Variants in KIAA0825 observed in about 807,000 individuals in gnomAD.
KIAA0825 encodes uncharacterized protein KIAA0825.
Under a neutral mutation model 147.6 loss-of-function variants are expected in KIAA0825, and 119 were observed. The ratio of observed to expected loss-of-function variants is 0.81; its 90% confidence interval spans 0.69 to 0.94. The LOEUF (loss-of-function observed/expected upper bound fraction) is 0.94. Among genes scored for constraint, KIAA0825 ranks in the 40% least tolerant of loss-of-function variants. The pLI, the probability that KIAA0825 is intolerant of heterozygous loss-of-function variation, is 0.00. For synonymous variants in KIAA0825, 470 were observed against 518.1 expected (o/e 0.91, Z 1.26); for missense variants, 1,381 against 1,472.7 (o/e 0.94, Z 1.02).
intron 20 of KIAA0825, among the ~76,000 whole-genome samples, chr5:94,279,767 A>G (rs768707231): frequency 5.3e-5 from 8 of 152,010 alleles, no homozygotes; most frequent in Non-Finnish European, 7.4e-5. Flanking sequence ...TGAAGAGCAT[A>G]TTACTGTCTT....
intron 20 of KIAA0825, among the ~76,000 whole-genome samples, chr5:94,334,041 C>T (rs1781545311): frequency 6.6e-6 from 1 of 151,446 alleles, no homozygotes; most frequent in Non-Finnish European, 1.5e-5. Context: ...GTAATTTATA[C>T]ATTCAATGCT....
intron 20 of KIAA0825, among the ~76,000 whole-genome samples, chr5:94,201,432 C>T (rs1771676779): frequency 6.6e-6 from 1 of 151,920 alleles, no homozygotes. Context: ...AATTAAGACA[C>T]GATCTTGCTC....
chr5:94,383,785 CTCTG>C (rs1280167280), intron 20 of KIAA0825, among the ~76,000 whole-genome samples: 3 of 117,270 alleles, frequency 2.6e-5, no homozygotes, highest in South Asian at 2.8e-4. Flanking sequence ...GATTATACTG[CTCTG>C]TGTGTGTGTG....
At chr5:94,523,171 C>T (rs531922856) in intron 4 of KIAA0825, among the ~76,000 whole-genome samples, 2 of 151,796 alleles carry the variant, frequency 1.3e-5, no homozygotes, top group South Asian at 4.1e-4. Context: ...ATATTTTCCA[C>T]ATCTGTCTTA....
intron 20 of KIAA0825, among the ~76,000 whole-genome samples, chr5:94,248,664 T>G (rs1292020444): frequency 6.6e-6 from 1 of 152,050 alleles, no homozygotes; most frequent in African/African-American, 2.4e-5. Context: ...GAAGGAGAAG[T>G]TGCTGACTGG....
chr5:94,382,720 A>T (rs1220630386), intron 20 of KIAA0825, among the ~76,000 whole-genome samples: 1 of 152,216 alleles, frequency 6.6e-6, no homozygotes, highest in South Asian at 2.1e-4. Context: ...CACAGATCTC[A>T]AGAAAATACA....
chr5:94,528,241 A>T (rs984883617), intron 3 of KIAA0825, among the ~76,000 whole-genome samples: 3 of 152,194 alleles, frequency 2.0e-5, no homozygotes, highest in African/African-American at 7.2e-5. Flanking sequence ...ATCATTGGTC[A>T]TCGGGACTAT....
Position 94,592,851 on chromosome 5 carries a change from G to C in KIAA0825, c.-152-10268C>G, listed in dbSNP as rs535333251. 6 of 577,176 alleles carry C rather than the reference G, an allele frequency of 1.0e-5. No individual in the cohort carries two copies. In the East Asian group the frequency reaches 2.4e-4, roughly 23 times the overall value. The allele number at this position is 577,176 out of a possible 1,614,324, so 35.8% of individuals were successfully genotyped here. A position where few individuals can be genotyped will look rare whatever the true frequency, so the allele number is the denominator to read the frequency against. On this transcript the variant is annotated intron_variant, in intron 1 of 20. Transcript: ENST00000682413. ...CTATTTGTCCATTCTCCTGGACTGT[G>C]TTTCAATTTCGACTCATCAGTTGTG...
chr5:94,399,294 G>C (rs1449711587), intron 16 of KIAA0825, among the ~76,000 whole-genome samples: 1 of 152,018 alleles, frequency 6.6e-6, no homozygotes, highest in African/African-American at 2.4e-5. Flanking sequence ...TCTTTGACTT[G>C]AAAGATTGTA....
chr5:94,245,622 T>A (rs1775564660), intron 20 of KIAA0825, among the ~76,000 whole-genome samples: 1 of 152,156 alleles, frequency 6.6e-6, no homozygotes, highest in African/African-American at 2.4e-5. Flanking sequence ...CACTTTGATC[T>A]TGTCAGAGGA....
chr5:94,173,637 G>T (rs996377075), intron 20 of KIAA0825, among the ~76,000 whole-genome samples: 1 of 152,170 alleles, frequency 6.6e-6, no homozygotes, highest in African/African-American at 2.4e-5. Context: ...CACTTCTATA[G>T]TATTCTATTG....
chr5:94,524,091 GT>G lies in KIAA0825; in HGVS notation c.138del (p.Lys46AsnfsTer30). On this transcript the variant is annotated frameshift_variant, in exon 4 of 21. Coordinates refer to ENST00000682413, the MANE Select transcript of KIAA0825 (RefSeq NM_001145678.3). LOFTEE classifies it high-confidence loss of function. Reference protein sequence around the residue: ...EKIEQNAASIKHCIKEIQSEI... With the variant: ...EKIEQNAASIXHCIKEIQSEI... The stretch of plus-strand genomic sequence containing the variant: ...TCGGACTGTATCTCTTTAATGCAAT[GT>G]TTTATGCTATAAAAAACAGAAGAAA... 1 of 1,596,304 alleles carries G rather than the reference GT, an allele frequency of 6.3e-7. No homozygotes were observed. The highest frequency in any genetic ancestry group is 8.5e-7 in the Non-Finnish European group (1 of 1,171,664).
At chr5:94,375,873 T>C (rs1243616431) in intron 20 of KIAA0825, among the ~76,000 whole-genome samples, 1 of 152,222 alleles carries the variant, frequency 6.6e-6, no homozygotes, top group Non-Finnish European at 1.5e-5. Flanking sequence ...ATATCCCTAG[T>C]ACATTGTTAC....
intron 18 of KIAA0825, among the ~76,000 whole-genome samples, chr5:94,386,841 G>A (rs1749215984): frequency 6.6e-6 from 1 of 152,144 alleles, no homozygotes; most frequent in Admixed American, 6.5e-5. Flanking sequence ...TGAGTACTCT[G>A]ATATTTTACT....
chr5:94,340,875 A>T (rs2150327749), intron 20 of KIAA0825, among the ~76,000 whole-genome samples: 1 of 152,330 alleles, frequency 6.6e-6, no homozygotes, highest in Admixed American at 6.5e-5. Context: ...CACCCAAAAA[A>T]TGCATAACGC....
intron 14 of KIAA0825, among the ~76,000 whole-genome samples, chr5:94,421,024 C>T (rs1754116171): frequency 6.6e-6 from 1 of 152,140 alleles, no homozygotes; most frequent in African/African-American, 2.4e-5. Flanking sequence ...GACTTCCTGG[C>T]AGCTATGCTT....
At chr5:94,264,998 G>T (rs1330198683) in intron 20 of KIAA0825, among the ~76,000 whole-genome samples, 1 of 151,922 alleles carries the variant, frequency 6.6e-6, no homozygotes, top group Non-Finnish European at 1.5e-5. Context: ...GCCCAGGCTG[G>T]TCTTGAACTT....
At chr5:94,525,581 G>A (rs1769116684) in intron 3 of KIAA0825, among the ~76,000 whole-genome samples, 1 of 151,876 alleles carries the variant, frequency 6.6e-6, no homozygotes, top group Non-Finnish European at 1.5e-5. Flanking sequence ...ACTTATGTAA[G>A]CACTTCTATG....
At chr5:94,549,668 G>C (rs1416696855) in intron 2 of KIAA0825, among the ~76,000 whole-genome samples, 1 of 152,144 alleles carries the variant, frequency 6.6e-6, no homozygotes, top group Non-Finnish European at 1.5e-5. Flanking sequence ...AGCCGAGATT[G>C]AGCTACTGCA....
Sources: gnomAD v4.1 joint callset for allele counts (sites outside exome capture counted in the v4.1 genomes callset) on GRCh38, gnomAD v4.1.1 for gene constraint, MANE v1.5 for transcripts, NCBI Gene and HGNC (gene_info 2026-07-23, HGNC 2026-07-21) for gene names.